SMIM41: variants seen among roughly 807,000 people sequenced by gnomAD.
The protein encoded by SMIM41 is small integral membrane protein 41.
chr12:52,097,759 A>G (rs1183203680), intron 2 of SMIM41, among the ~76,000 whole-genome samples: 1 of 152,004 alleles, frequency 6.6e-6, no homozygotes, highest in Non-Finnish European at 1.5e-5. Flanking sequence ...GCGGGGATGG[A>G]CACTTTGACG....
At chr12:52,098,522 G>GA (rs1940145659) in intron 2 of SMIM41, among the ~76,000 whole-genome samples, 1 of 110,482 alleles carries the variant, frequency 9.1e-6, no homozygotes, top group South Asian at 2.9e-4. Context: ...GGGGGGGGGG[G>GA]ACGTACACCC....
intron 2 of SMIM41, among the ~76,000 whole-genome samples, chr12:52,100,564 C>T (rs1290190737): frequency 6.6e-6 from 1 of 151,552 alleles, no homozygotes; most frequent in Admixed American, 6.6e-5. Context: ...TCAAGCGATT[C>T]TCCTGTCTCA....
In SMIM41 at chr12:52,107,460, G is replaced by A; in HGVS notation, c.*277G>A. ...GCCTGGTCATGGTGCTGGGGAACCT[G>A]CTCATCATCCGGCCATGAGCCCTGA... On this transcript the variant is annotated 3_prime_UTR_variant, in exon 3 of 3. Coordinates refer to ENST00000546390, the MANE Select transcript of SMIM41 (RefSeq NM_001369216.1). 1 of 614,336 alleles carries A rather than the reference G, an allele frequency of 1.6e-6. No individual in the cohort carries two copies. Among genetic ancestry groups the A allele is most frequent in the Non-Finnish European group, 3.2e-6 (1 of 316,394 alleles). 38.1% of individuals were successfully genotyped at this position (614,336 alleles called of 1,614,324 possible). A position where few individuals can be genotyped will look rare whatever the true frequency, so the allele number is the denominator to read the frequency against.
At chr12:52,080,958 G>A (rs1939810262) in intron 1 of SMIM41, among the ~76,000 whole-genome samples, 1 of 152,118 alleles carries the variant, frequency 6.6e-6, no homozygotes, top group South Asian at 2.1e-4. Context: ...GTGGATGGCA[G>A]GGTTCCCCGC....
intron 2 of SMIM41, among the ~76,000 whole-genome samples, chr12:52,084,300 G>A (rs530056612): frequency 9.4e-4 from 143 of 151,580 alleles, no homozygotes; most frequent in Non-Finnish European, 1.8e-3. Context: ...GCAGTGAGCC[G>A]CGATCGTGCC....
At chr12:52,102,013 CA>C (rs1357925343) in intron 2 of SMIM41, among the ~76,000 whole-genome samples, 2 of 152,054 alleles carry the variant, frequency 1.3e-5, no homozygotes, top group African/African-American at 4.8e-5. Flanking sequence ...GCGCTCGGCC[CA>C]TGCTGTATCT....
intron 2 of SMIM41, among the ~76,000 whole-genome samples, chr12:52,097,486 AGTG>A (rs1460696595): frequency 1.3e-5 from 2 of 152,052 alleles, no homozygotes; most frequent in Non-Finnish European, 2.9e-5. Flanking sequence ...TGATGCGCAG[AGTG>A]ATATCAACCC....
rs946600739 is a variant in SMIM41 at position 52,079,713 on chromosome 12, C to G, written c.-67C>G. On this transcript the variant is annotated 5_prime_UTR_variant, in exon 1 of 3. Transcript: ENST00000546390. The stretch of plus-strand genomic sequence containing the variant: ...TTCCCTCCCCGACGCAGCCGCCGGC[C>G]CGCCCGCCAGTCTGGGCTCCTGCAC... The G allele has an allele frequency of 2.6e-6, 1 of 389,408 alleles. No homozygotes were observed. Among genetic ancestry groups the G allele is most frequent in the Admixed American group, 4.5e-5 (1 of 22,456 alleles). 24.1% of individuals were successfully genotyped at this position (389,408 alleles called of 1,614,324 possible).
At chr12:52,099,197 G>A (rs1423927646) in intron 2 of SMIM41, among the ~76,000 whole-genome samples, 1 of 151,902 alleles carries the variant, frequency 6.6e-6, no homozygotes, top group Non-Finnish European at 1.5e-5. Flanking sequence ...ACAGGGGTGT[G>A]TACACTCCCT....
rs1268186084 is a variant in SMIM41, at chr12:52,098,801, G to A, written c.*196-8578G>A. ...TTATCCTCTCTTCCCTTGGATATTA[G>A]GAAGGGTATCAGAGGGGGAGGGTGT... On this transcript the variant is annotated intron_variant, in intron 2 of 2. Coordinates refer to ENST00000546390, the MANE Select transcript of SMIM41 (RefSeq NM_001369216.1). 2.6e-5 allele frequency among the ~76,000 whole-genome samples: 4 copies of A among 151,580 alleles called. No individual in the cohort carries two copies. The East Asian group carries it at 7.7e-4, about 29-fold the overall frequency.
At chr12:52,107,297 C>CT (rs1940360145) in intron 2 of SMIM41, 82 bp from the exon 3 acceptor site, 2 of 436,488 alleles carry the variant, frequency 4.6e-6, no homozygotes, top group African/African-American at 2.0e-5. Context: ...TCTGATTTCT[C>CT]AACGCTCTTT....
chr12:52,099,809 C>T (rs1478934838), intron 2 of SMIM41, among the ~76,000 whole-genome samples: 1 of 138,320 alleles, frequency 7.2e-6, no homozygotes, highest in Admixed American at 8.4e-5. Flanking sequence ...TGAACAATAT[C>T]ACAGGAGGGA....
intron 2 of SMIM41, chr12:52,104,403 C>A: frequency 6.3e-6 from 1 of 159,716 alleles, no homozygotes. Flanking sequence ...TCAGGAGGCT[C>A]ATGTCTCACC....
chr12:52,099,770 A>G (rs1402678273), intron 2 of SMIM41, among the ~76,000 whole-genome samples: 1 of 152,014 alleles, frequency 6.6e-6, no homozygotes, highest in Non-Finnish European at 1.5e-5. Flanking sequence ...CTATTTTGAA[A>G]GTATCATCCT....
intron 2 of SMIM41, among the ~76,000 whole-genome samples, chr12:52,104,887 G>A (rs1219335175): frequency 6.6e-6 from 1 of 152,150 alleles, no homozygotes. Context: ...GCTTCCTAAA[G>A]GCCAGGCTCT....
At chr12:52,099,056 C>G (rs965281357) in intron 2 of SMIM41, among the ~76,000 whole-genome samples, 1 of 151,774 alleles carries the variant, frequency 6.6e-6, no homozygotes, top group Admixed American at 6.6e-5. Flanking sequence ...CTGTGTACAC[C>G]CCCTGCAATA....
At chr12:52,099,451 C>T (rs1940170698) in intron 2 of SMIM41, among the ~76,000 whole-genome samples, 1 of 151,708 alleles carries the variant, frequency 6.6e-6, no homozygotes, top group African/African-American at 2.4e-5. Context: ...GTAAAACCCC[C>T]TGTGATATTA....
intron 2 of SMIM41, among the ~76,000 whole-genome samples, chr12:52,090,174 G>A (rs560659404): frequency 4.1e-4 from 62 of 152,158 alleles, no homozygotes; most frequent in African/African-American, 1.4e-3. Flanking sequence ...GGGTTCAAGC[G>A]ATTCTCCTGC....
Position 52,107,890 on chromosome 12 carries a change from C to T in SMIM41, c.*707C>T. 1 of 300,278 alleles carries T rather than the reference C, an allele frequency of 3.3e-6. No individual in the cohort carries two copies. The highest frequency in any genetic ancestry group is 6.5e-6 in the Non-Finnish European group (1 of 154,500). The allele number at this position is 300,278 out of a possible 1,614,324, so 18.6% of individuals were successfully genotyped here. ...TTTCTTCTGTGACCTTTCTCAACTC[C>T]CCCATCTTGCCGTTGTGACACCTTC... On this transcript the variant is annotated 3_prime_UTR_variant, in exon 3 of 3. Coordinates refer to ENST00000546390, the MANE Select transcript of SMIM41 (RefSeq NM_001369216.1).
Sources: allele counts gnomAD v4.1 joint callset (sites outside exome capture counted in the v4.1 genomes callset), GRCh38; gene constraint gnomAD v4.1.1; transcripts MANE v1.5; gene names NCBI Gene and HGNC (gene_info 2026-07-23, HGNC 2026-07-21).